CDC42BPB: variants seen among roughly 807,000 people sequenced by gnomAD.
CDC42BPB encodes CDC42 binding protein kinase beta, also known as serine/threonine-protein kinase MRCK beta.
In CDC42BPB, 37 loss-of-function variants were observed where a neutral mutation model predicts 214.9. The observed-to-expected ratio is 0.17, with a 90% confidence interval of 0.13 to 0.23. The LOEUF is 0.23. Ranked by LOEUF, CDC42BPB falls within the 10% of genes least tolerant of loss-of-function variation. CDC42BPB has a pLI of 1.00. For missense variants in CDC42BPB, 1,694 were observed against 2,227.0 expected, an observed-to-expected ratio of 0.76 and a Z score of 4.82; for synonymous variants, 931 against 884.0, an observed-to-expected ratio of 1.05 and a Z score of -0.94.
Position 102,974,025 on chromosome 14 carries a change from C to T in CDC42BPB, c.1632G>A (p.Glu544=). The T allele has an allele frequency of 1.2e-6, 2 of 1,609,068 alleles. No homozygotes were observed. The highest frequency in any genetic ancestry group is 1.3e-5 in the African/African-American group (1 of 74,656). ...AAACTGAGCCACCTACCTTGTGCAG[C>T]TCCTCCTTCTCCTGCCGGACCACGC... ...QHRVVRQEKE[E]LHKQLVEASE... is the part of the protein sequence containing the mutation. The change falls in exon 12 of 37, where the codon GAG becomes GAA. Residue 544 remains glutamate (E), a synonymous_variant. Transcript: ENST00000361246.
intron 1 of CDC42BPB, among the ~76,000 whole-genome samples, chr14:103,046,757 G>C (rs150589688): frequency 0.015 from 2,220 of 151,974 alleles, 47 homozygotes; most frequent in African/African-American, 0.051. Flanking sequence ...GGGTTCAAGC[G>C]ATTCTCCTGC....
At chr14:102,982,091 A>G (rs1337532165) in intron 7 of CDC42BPB, among the ~76,000 whole-genome samples, 5 of 152,222 alleles carry the variant, frequency 3.3e-5, no homozygotes, top group Non-Finnish European at 5.9e-5. Flanking sequence ...GCTCTTAGTA[A>G]TAACGAAGTC....
chr14:102,944,650 C>G lies in CDC42BPB; in HGVS notation c.3812-163G>C. On this transcript the variant is annotated intron_variant, in intron 29 of 36. Coordinates refer to ENST00000361246, the MANE Select transcript of CDC42BPB (RefSeq NM_006035.4). This position sits in a 1 kb window ranked among gnomAD's most constrained non-coding sequence, Gnocchi z 6.6. ...CCGGCCCTGAGCCCGTCTCTGCCCA[C>G]AGAGCCAGTGGCTTGAACGCCCCCC... 12 of 985,364 alleles carry G rather than the reference C, an allele frequency of 1.2e-5. No individual in the cohort carries two copies. The highest frequency in any genetic ancestry group is 1.4e-5 in the Non-Finnish European group (12 of 829,912). 61.0% of individuals were successfully genotyped at this position (985,364 alleles called of 1,614,324 possible). A position where few individuals can be genotyped will look rare whatever the true frequency, so the allele number is the denominator to read the frequency against.
In CDC42BPB at chr14:103,056,958, G is replaced by T. The variant is rs1419960751; in HGVS notation, c.175+41C>A. On this transcript the variant is annotated intron_variant, in intron 1 of 36. Transcript: ENST00000361246. Reference sequence around the variant, plus strand: ...GGGATGCGCGGGCTGGGGCGCGGGGGTCGCAGAGCCGCAGGTCCGGCCCTG... The same window carrying T: ...GGGATGCGCGGGCTGGGGCGCGGGGTTCGCAGAGCCGCAGGTCCGGCCCTG... 4 of 1,300,666 alleles carry T rather than the reference G, an allele frequency of 3.1e-6. No individual in the cohort carries two copies. In the South Asian group the frequency reaches 5.3e-5, roughly 17 times the overall value. The allele number at this position is 1,300,666 out of a possible 1,614,324, so 80.6% of individuals were successfully genotyped here. A position where few individuals can be genotyped will look rare whatever the true frequency, so the allele number is the denominator to read the frequency against.
At chr14:103,023,236 C>G (rs1886870077) in intron 1 of CDC42BPB, among the ~76,000 whole-genome samples, 1 of 149,998 alleles carries the variant, frequency 6.7e-6, no homozygotes, top group Non-Finnish European at 1.5e-5. Flanking sequence ...GGCGCGATCT[C>G]GGCTCACTGC....
At chr14:102,956,748 G>A (rs1892722544) in intron 21 of CDC42BPB, among the ~76,000 whole-genome samples, 1 of 152,190 alleles carries the variant, frequency 6.6e-6, no homozygotes, top group Non-Finnish European at 1.5e-5. Flanking sequence ...AGAATCGCTT[G>A]AGCCCAGGAG....
chr14:103,015,421 A>T (rs1195180003), intron 1 of CDC42BPB, among the ~76,000 whole-genome samples: 2 of 152,226 alleles, frequency 1.3e-5, no homozygotes, highest in East Asian at 3.9e-4. Context: ...CTGGAGGCAG[A>T]GGCTGCAGTG....
chr14:103,010,808 G>A (rs1006403512), intron 2 of CDC42BPB, among the ~76,000 whole-genome samples: 1 of 152,054 alleles, frequency 6.6e-6, no homozygotes, highest in African/African-American at 2.4e-5. Flanking sequence ...GAGATGGGCG[G>A]ATCACGAGGT....
intron 32 of CDC42BPB, 33 bp downstream of exon 32, chr14:102,940,013 T>C (rs771907610): frequency 6.2e-7 from 1 of 1,613,802 alleles, no homozygotes; most frequent in Non-Finnish European, 8.5e-7. Flanking sequence ...CCAACTTCCC[T>C]TCCCTCCACT....
chr14:102,985,962 G>A (rs762701419), intron 6 of CDC42BPB, among the ~76,000 whole-genome samples: 21 of 152,204 alleles, frequency 1.4e-4, no homozygotes, highest in Admixed American at 1.4e-3. Flanking sequence ...AGCCGATCCG[G>A]GGGCAACCTC....
intron 21 of CDC42BPB, chr14:102,954,928 G>C: frequency 5.0e-6 from 2 of 401,544 alleles, no homozygotes; most frequent in Non-Finnish European, 6.8e-6. Context: ...GTGATTGCGT[G>C]GGCAGGTGGA....
Position 102,933,664 on chromosome 14 carries a change from G to A in CDC42BPB, c.*48C>T, listed in dbSNP as rs372216187. On this transcript the variant is annotated 3_prime_UTR_variant, in exon 37 of 37. Coordinates refer to ENST00000361246, the MANE Select transcript of CDC42BPB (RefSeq NM_006035.4). ...GGGCCCGCTCAGTCTTGGCACTGAC[G>A]CTGGAGGCCATCTCCAGCTCCCTGG... 1.1e-5 allele frequency: 15 copies of A among 1,388,896 alleles called. No individual in the cohort carries two copies. The highest frequency in any genetic ancestry group is 2.2e-4 in the Middle Eastern group (1 of 4,630). 86.0% of individuals were successfully genotyped at this position (1,388,896 alleles called of 1,614,324 possible). A position where few individuals can be genotyped will look rare whatever the true frequency, so the allele number is the denominator to read the frequency against.
intron 9 of CDC42BPB, among the ~76,000 whole-genome samples, chr14:102,977,181 TAAAA>T (rs1241515712): frequency 6.6e-6 from 1 of 151,048 alleles, no homozygotes; most frequent in Admixed American, 6.6e-5. Context: ...TCTACTAAAA[TAAAA>T]AAAATTAGTC....
chr14:102,978,914 C>T (rs548169127), intron 8 of CDC42BPB, among the ~76,000 whole-genome samples: 7 of 152,100 alleles, frequency 4.6e-5, no homozygotes, highest in Admixed American at 3.3e-4. Context: ...GGCCGAGGCA[C>T]GAGACTTGAT....
At chr14:103,005,567 G>A (rs1023435024) in intron 3 of CDC42BPB, among the ~76,000 whole-genome samples, 2 of 151,950 alleles carry the variant, frequency 1.3e-5, no homozygotes, top group Admixed American at 6.6e-5. Flanking sequence ...AAAATTAGCC[G>A]GGTGTGGTGT....
At chr14:102,940,018 T>A in intron 32 of CDC42BPB, 28 bp downstream of exon 32, 1 of 1,613,872 alleles carries the variant, frequency 6.2e-7, no homozygotes, top group Non-Finnish European at 8.5e-7. Context: ...TTCCCTTCCC[T>A]CCACTCCCGG....
At chr14:102,946,419 GA>G (rs781332924) in intron 28 of CDC42BPB, 48 bp downstream of exon 28, 3 of 1,602,366 alleles carry the variant, frequency 1.9e-6, no homozygotes, top group Admixed American at 1.7e-5. Flanking sequence ...AGCGCCGCCG[GA>G]AGTGCTGTTG....
At chr14:103,045,208 G>C (rs559948800) in intron 1 of CDC42BPB, among the ~76,000 whole-genome samples, 2 of 152,234 alleles carry the variant, frequency 1.3e-5, no homozygotes, top group African/African-American at 4.8e-5. Flanking sequence ...TGTGGCAAGG[G>C]AGTTCTAGTC....
chr14:102,940,749 T>C (rs1485152749), intron 30 of CDC42BPB: 3 of 241,378 alleles, frequency 1.2e-5, no homozygotes, highest in Admixed American at 4.9e-5. Flanking sequence ...GGTTTCCAGG[T>C]AGGTATTAAA....
Sources: allele counts gnomAD v4.1 joint callset (sites outside exome capture counted in the v4.1 genomes callset), GRCh38; gene constraint gnomAD v4.1.1; non-coding constraint Gnocchi (gnomAD v3.1); transcripts MANE v1.5; gene names NCBI Gene and HGNC (gene_info 2026-07-23, HGNC 2026-07-21).